Variants in VAT1L observed in about 807,000 individuals in gnomAD.
VAT1L encodes vesicle amine transport 1 like, also known as putative NADPH-dependent quinone oxidoreductase VAT1L.
VAT1L carries 34 observed loss-of-function variants against 44.1 expected under a neutral mutation model. That is an observed-to-expected ratio of 0.77 (90% CI 0.59 to 1.03). The LOEUF (loss-of-function observed/expected upper bound fraction) is 1.03. Among genes scored for constraint, VAT1L ranks in the 50% least tolerant of loss-of-function variants. The pLI, the probability that VAT1L is intolerant of heterozygous loss-of-function variation, is 0.00. For missense variants in VAT1L, 615 were observed against 538.8 expected, an observed-to-expected ratio of 1.14 and a Z score of -1.40; for synonymous variants, 253 against 202.2, an observed-to-expected ratio of 1.25 and a Z score of -2.13.
At chr16:77,852,819 C>A (rs1246749482) in intron 3 of VAT1L, among the ~76,000 whole-genome samples, 1 of 152,184 alleles carries the variant, frequency 6.6e-6, no homozygotes. Flanking sequence ...GGATTCAGAT[C>A]TTCTCCCTGG....
chr16:77,806,594 C>T (rs1359007709), intron 1 of VAT1L, among the ~76,000 whole-genome samples: 3 of 152,028 alleles, frequency 2.0e-5, no homozygotes, highest in Admixed American at 6.6e-5. Context: ...CTGCCCGCCT[C>T]GGCCTCCCAA....
intron 7 of VAT1L, among the ~76,000 whole-genome samples, chr16:77,949,141 A>G (rs911374911): frequency 6.6e-6 from 1 of 152,214 alleles, no homozygotes; most frequent in East Asian, 1.9e-4. Context: ...GGCTAGAAAA[A>G]GAATACTGTA....
At position 77,879,950 on chromosome 16, in the gene VAT1L, A is replaced by G. The variant is rs16946728; in HGVS notation, c.882+726A>G. ...CCATCCTCTTGAATCGGAGATAGAA[A>G]TGAGGACCCTATGACCTTAACAAGA... On this transcript the variant is annotated intron_variant, in intron 6 of 8. Transcript: ENST00000302536. This position sits in a 1 kb window ranked among gnomAD's most constrained non-coding sequence, Gnocchi z 4.1. Among the ~76,000 whole-genome samples, 7,391 of 152,180 alleles carry G rather than the reference A, an allele frequency of 0.049. 597 individuals are homozygous for G. Among genetic ancestry groups the G allele is most frequent in the African/African-American group, 0.17 (7,026 of 41,472 alleles).
intron 8 of VAT1L, among the ~76,000 whole-genome samples, chr16:77,976,940 T>G (rs1379623437): frequency 1.3e-5 from 2 of 152,154 alleles, no homozygotes; most frequent in Non-Finnish European, 2.9e-5. Flanking sequence ...TTGTTCTGGT[T>G]GTTGTGTCTG....
intron 7 of VAT1L, among the ~76,000 whole-genome samples, chr16:77,916,003 C>T (rs1010321458): frequency 3.9e-5 from 6 of 152,200 alleles, no homozygotes; most frequent in African/African-American, 1.4e-4. Context: ...CATACTTAAG[C>T]ATCAACTCCC....
intron 4 of VAT1L, among the ~76,000 whole-genome samples, chr16:77,875,040 C>G (rs1450162218): frequency 6.6e-6 from 1 of 152,190 alleles, no homozygotes; most frequent in African/African-American, 2.4e-5. Flanking sequence ...CAGGTTATTA[C>G]AGTGCACACT....
chr16:77,815,496 G>C (rs1239947974), intron 1 of VAT1L, among the ~76,000 whole-genome samples: 1 of 152,134 alleles, frequency 6.6e-6, no homozygotes, highest in African/African-American at 2.4e-5. Context: ...ATTTGTGGTT[G>C]GGAAAACTTT....
intron 7 of VAT1L, among the ~76,000 whole-genome samples, chr16:77,951,920 C>T (rs968582124): frequency 1.3e-5 from 2 of 151,566 alleles, no homozygotes; most frequent in East Asian, 3.9e-4. Context: ...AGATTGAACT[C>T]AATTCCTTTG....
At chr16:77,926,477 A>T (rs367876720) in intron 7 of VAT1L, among the ~76,000 whole-genome samples, 1 of 151,848 alleles carries the variant, frequency 6.6e-6, no homozygotes. Flanking sequence ...CCAGCTACTC[A>T]AGAGGCTGAG....
At chr16:77,897,509 C>G (rs561774634) in intron 7 of VAT1L, among the ~76,000 whole-genome samples, 1 of 152,242 alleles carries the variant, frequency 6.6e-6, no homozygotes, top group African/African-American at 2.4e-5. Context: ...TCACTCTTGT[C>G]ACCCAGGCTG....
chr16:77,820,233 C>T (rs1161372104), intron 2 of VAT1L, among the ~76,000 whole-genome samples: 1 of 152,100 alleles, frequency 6.6e-6, no homozygotes, highest in African/African-American at 2.4e-5. Context: ...TTACCTAACA[C>T]TAGGAGGAGA....
chr16:77,822,583 G>A (rs2016468956), intron 2 of VAT1L, among the ~76,000 whole-genome samples: 1 of 152,106 alleles, frequency 6.6e-6, no homozygotes, highest in Admixed American at 6.5e-5. Context: ...ATAACATACA[G>A]ATAAATCTAG....
intron 1 of VAT1L, 90 bp downstream of exon 1, chr16:77,789,005 G>A: frequency 3.6e-6 from 5 of 1,374,924 alleles, no homozygotes; most frequent in Non-Finnish European, 3.8e-6. Flanking sequence ...GATGCTGCCC[G>A]GGTAGAACCG....
rs183864057 is a variant in VAT1L at position 77,971,764 on chromosome 16, T to A, written c.1078-86T>A. Reference sequence around the variant, plus strand: ...AGCCGCAGCGCCCTCTGGTGGTCACTTGACAGTTTGAGTTCTCCAGGCCCC... The same window carrying A: ...AGCCGCAGCGCCCTCTGGTGGTCACATGACAGTTTGAGTTCTCCAGGCCCC... On this transcript the variant is annotated intron_variant, in intron 7 of 8. Coordinates refer to ENST00000302536, the MANE Select transcript of VAT1L (RefSeq NM_020927.3). 1.1e-4 allele frequency: 159 copies of A among 1,422,734 alleles called. No individual in the cohort carries two copies. In the East Asian group the frequency reaches 2.2e-3, roughly 19 times the overall value. The allele number at this position is 1,422,734 out of a possible 1,614,324, so 88.1% of individuals were successfully genotyped here. A position where few individuals can be genotyped will look rare whatever the true frequency, so the allele number is the denominator to read the frequency against.
chr16:77,831,620 A>G (rs2016579416), intron 3 of VAT1L, among the ~76,000 whole-genome samples: 1 of 152,210 alleles, frequency 6.6e-6, no homozygotes, highest in African/African-American at 2.4e-5. Context: ...TGTTACGGTA[A>G]TGAAAACCAT....
At chr16:77,808,879 G>C (rs2016212651) in intron 1 of VAT1L, among the ~76,000 whole-genome samples, 2 of 152,178 alleles carry the variant, frequency 1.3e-5, no homozygotes, top group Admixed American at 6.5e-5. Context: ...TTATAGGCGT[G>C]AGCCACCGTG....
intron 3 of VAT1L, among the ~76,000 whole-genome samples, chr16:77,829,154 A>G (rs1318207820): frequency 1.3e-5 from 2 of 152,186 alleles, no homozygotes; most frequent in African/African-American, 4.8e-5. Flanking sequence ...TGGGAGAGCC[A>G]GCCCAGATTC....
intron 8 of VAT1L, among the ~76,000 whole-genome samples, chr16:77,975,801 C>T (rs1048542599): frequency 4.6e-5 from 7 of 152,192 alleles, no homozygotes; most frequent in African/African-American, 1.7e-4. Flanking sequence ...CCTCCAGACC[C>T]CACAGTACCA....
rs2145252037 is a variant in VAT1L at position 77,831,850 on chromosome 16, C to G, written c.579+6389C>G. On this transcript the variant is annotated intron_variant, in intron 3 of 8. Coordinates refer to ENST00000302536, the MANE Select transcript of VAT1L (RefSeq NM_020927.3). ...TTTTTTTTGGAGATGGAGTCTCACT[C>G]TGTCACCCAGGCTGGAGTGCAGTGG... Among the ~76,000 whole-genome samples the G allele has an allele frequency of 2.0e-5, 3 of 152,106 alleles. No homozygotes were observed. The South Asian group carries it at 6.2e-4, about 32-fold the overall frequency.
Sources: gnomAD v4.1 joint callset for allele counts (sites outside exome capture counted in the v4.1 genomes callset) on GRCh38, gnomAD v4.1.1 for gene constraint, Gnocchi (gnomAD v3.1) non-coding constraint, MANE v1.5 for transcripts, NCBI Gene and HGNC (gene_info 2026-07-23, HGNC 2026-07-21) for gene names.